Variants in KATNA1 observed in about 807,000 individuals in gnomAD.
KATNA1 encodes the protein katanin catalytic subunit A1.
Under a neutral mutation model 62.6 loss-of-function variants are expected in KATNA1, and 42 were observed. The ratio of observed to expected loss-of-function variants is 0.67; its 90% CI spans 0.52 to 0.87. KATNA1 has a LOEUF of 0.87. Ranked by LOEUF, KATNA1 falls within the 40% of genes least tolerant of loss-of-function variation. The pLI is 0.00. For synonymous variants in KATNA1, 186 were observed against 201.9 expected (o/e 0.92, Z 0.67); for missense variants, 498 against 612.5 (o/e 0.81, Z 1.97).
chr6:149,620,385 A>G (rs575767419), intron 4 of KATNA1, among the ~76,000 whole-genome samples: 1 of 152,204 alleles, frequency 6.6e-6, no homozygotes, highest in South Asian at 2.1e-4. Context: ...TCCGCCTCCC[A>G]GGCTCAAGCA....
At chr6:149,604,630 C>G (rs999233100) in intron 5 of KATNA1, 31 bp downstream of exon 5, 6 of 1,611,312 alleles carry the variant, frequency 3.7e-6, no homozygotes, top group Admixed American at 1.7e-5. Context: ...GCATCACCAG[C>G]ACCCAATTAT....
chr6:149,632,863 T>C lies in KATNA1; in HGVS notation c.216A>G (p.Thr72=). The change falls in exon 3 of 11, where the codon ACA becomes ACG. Residue 72 remains threonine (T), a synonymous_variant. Coordinates refer to ENST00000367411, the MANE Select transcript of KATNA1 (RefSeq NM_007044.4). ...EAKHVKDIMK[T]LESFKLDSTP... is the part of the protein sequence containing the mutation. Reference sequence around the variant, plus strand: ...TGCTGTCCAGTTTAAAGCTCTCTAGTGTTTTCATGATATCTTTAACATGTT... The same window carrying C: ...TGCTGTCCAGTTTAAAGCTCTCTAGCGTTTTCATGATATCTTTAACATGTT... The C allele has an allele frequency of 1.2e-6, 2 of 1,612,814 alleles. No homozygotes were observed. The highest frequency in any genetic ancestry group is 1.7e-6 in the Non-Finnish European group (2 of 1,179,574).
rs751127064 is a variant in KATNA1, at chr6:149,598,290, G to A, written c.949C>T (p.Arg317Ter). Reference protein sequence around the residue: ...IDEIDSICSRRGTSEEHEASR... With the variant: ...IDEIDSICSR Reference sequence around the variant, plus strand: ...GCTTCATGTTCTTCAGAAGTCCCTCGGCGACTACAGATGGAGTCTATCTCA... The same window carrying A: ...GCTTCATGTTCTTCAGAAGTCCCTCAGCGACTACAGATGGAGTCTATCTCA... The change falls in exon 8 of 11, where the codon CGA becomes TGA. Residue 317 changes from arginine to a stop codon, truncating the protein, a stop_gained. Coordinates refer to ENST00000367411, the MANE Select transcript of KATNA1 (RefSeq NM_007044.4). LOFTEE classifies it high-confidence loss of function. 9.9e-6 allele frequency: 16 copies of A among 1,613,594 alleles called. No individual in the cohort carries two copies. Among genetic ancestry groups the A allele is most frequent in the Admixed American group, 1.7e-5 (1 of 59,950 alleles).
intron 4 of KATNA1, among the ~76,000 whole-genome samples, chr6:149,615,502 C>T (rs1012218437): frequency 2.0e-5 from 3 of 151,774 alleles, no homozygotes; most frequent in East Asian, 1.9e-4. Flanking sequence ...CCATCCCCGG[C>T]GAGTAATGTA....
At chr6:149,633,936 A>G (rs1779956325) in intron 2 of KATNA1, among the ~76,000 whole-genome samples, 1 of 152,016 alleles carries the variant, frequency 6.6e-6, no homozygotes, top group South Asian at 2.1e-4. Flanking sequence ...CAGCCTGGGC[A>G]ACAAGAGTGA....
chr6:149,639,267 C>T (rs1257854921), intron 1 of KATNA1, among the ~76,000 whole-genome samples: 1 of 151,998 alleles, frequency 6.6e-6, no homozygotes, highest in Non-Finnish European at 1.5e-5. Flanking sequence ...CCACTGTACT[C>T]CAGCCTGGGA....
chr6:149,597,093 T>A lies in KATNA1; in HGVS notation c.1247A>T (p.Tyr416Phe), dbSNP rs759837333. The A allele has an allele frequency of 6.2e-7, 1 of 1,614,202 alleles. No homozygotes were observed. Residue 416 changes from tyrosine to phenylalanine, a missense_variant, in exon 10 of 11, where the codon TAT (tyrosine) becomes TTT (phenylalanine). Tyr to Phe is a conservative substitution (Grantham distance 22). Around this residue, in one of 3 missense-constraint regions of KATNA1, gnomAD observed 267 missense variants for 372.6 expected, o/e 0.72. Coordinates refer to ENST00000367411, the MANE Select transcript of KATNA1 (RefSeq NM_007044.4). ...LASIAENMEGYSGADITNVCR... is the reference protein window; with the variant it reads ...LASIAENMEGFSGADITNVCR... ...CACGTTGGTAATGTCCGCACCTGAA[T>A]AACCTTCCATGTTTTCTGCTATACT... is the stretch of plus-strand genomic sequence containing the variant.
chr6:149,609,828 C>T (rs1180482029), intron 4 of KATNA1, among the ~76,000 whole-genome samples: 9 of 91,786 alleles, frequency 9.8e-5, no homozygotes, highest in Non-Finnish European at 1.7e-4. Context: ...AGGCCAGGTG[C>T]GGTGGCTCAT....
rs779628169 is a variant in KATNA1, at chr6:149,603,274, T to C, written c.723A>G (p.Pro241=). The C allele has an allele frequency of 2.2e-5, 32 of 1,478,390 alleles. No individual in the cohort carries two copies. Among genetic ancestry groups the C allele is most frequent in the Non-Finnish European group, 3.0e-5 (32 of 1,072,048 alleles). The allele number at this position is 1,478,390 out of a possible 1,614,324, so 91.6% of individuals were successfully genotyped here. The change falls in exon 6 of 11, where the codon CCA becomes CCG. Residue 241 remains proline, a synonymous_variant. Transcript: ENST00000367411. Reference sequence around the variant, plus strand: ...ATCACAGTAATAAACTTACTTTCCATGGTCTCCTAATGCCCTTAAAGAATT... The same window carrying C: ...ATCACAGTAATAAACTTACTTTCCACGGTCTCCTAATGCCCTTAAAGAATT... ...MPEFFKGIRR[P]WKGVLMVGPP...
chr6:149,625,994 A>G (rs962299473), intron 3 of KATNA1, among the ~76,000 whole-genome samples: 1 of 151,922 alleles, frequency 6.6e-6, no homozygotes, highest in Non-Finnish European at 1.5e-5. Context: ...TGGGAGGATG[A>G]TAACACCAAA....
chr6:149,616,265 A>G (rs942813369), intron 4 of KATNA1, among the ~76,000 whole-genome samples: 3 of 152,196 alleles, frequency 2.0e-5, no homozygotes, highest in African/African-American at 7.2e-5. Context: ...CAACTATATT[A>G]TTGGGAAAAA....
At chr6:149,599,937 G>A (rs1383011975) in intron 7 of KATNA1, among the ~76,000 whole-genome samples, 1 of 152,056 alleles carries the variant, frequency 6.6e-6, no homozygotes, top group Non-Finnish European at 1.5e-5. Flanking sequence ...AGGAGTTTCG[G>A]CATAGGTATG....
chr6:149,597,194 T>C lies in KATNA1; in HGVS notation c.1151-5A>G, dbSNP rs1778357260. ...ATAGCTCCTCCCTGCCTTTTGCTAA[T>C]GGTAGAAACAAATTTTAAAATGTAA... is the stretch of plus-strand genomic sequence containing the variant. On this transcript the variant is annotated splice_region_variant and splice_polypyrimidine_tract_variant and intron_variant, in intron 9 of 10. Coordinates refer to ENST00000367411, the MANE Select transcript of KATNA1 (RefSeq NM_007044.4). 1.2e-6 allele frequency: 2 copies of C among 1,612,304 alleles called. No individual in the cohort carries two copies. Among genetic ancestry groups the C allele is most frequent in the Non-Finnish European group, 1.7e-6 (2 of 1,179,486 alleles).
At chr6:149,634,601 G>A (rs899056058) in intron 2 of KATNA1, among the ~76,000 whole-genome samples, 1 of 152,098 alleles carries the variant, frequency 6.6e-6, no homozygotes, top group Non-Finnish European at 1.5e-5. Flanking sequence ...AAACTCCTGG[G>A]TTCAAGCCAT....
intron 4 of KATNA1, among the ~76,000 whole-genome samples, chr6:149,615,902 G>A (rs1779151038): frequency 1.3e-5 from 2 of 152,130 alleles, no homozygotes; most frequent in Admixed American, 6.6e-5. Flanking sequence ...GGTTAAAAGT[G>A]CAAGAATGAA....
In KATNA1 at chr6:149,638,189, G is replaced by A. The variant is rs12198855; in HGVS notation, c.162+197C>T. On this transcript the variant is annotated intron_variant, in intron 2 of 10. Transcript: ENST00000367411. The stretch of plus-strand genomic sequence containing the variant: ...AAGTCTTGCTATGTTGTCTAGGCTG[G>A]ACTTGAACTCCTGGCCTCAAGTGAT... 3.4e-3 allele frequency among the ~76,000 whole-genome samples: 512 copies of A among 152,188 alleles called. 2 individuals are homozygous for A. The highest frequency in any genetic ancestry group is 5.5e-3 in the Non-Finnish European group (376 of 68,002).
At chr6:149,619,634 C>G (rs965954306) in intron 4 of KATNA1, among the ~76,000 whole-genome samples, 3 of 150,808 alleles carry the variant, frequency 2.0e-5, no homozygotes, top group African/African-American at 7.3e-5. Context: ...AAGACAAAAA[C>G]TAACAAATGC....
At chr6:149,615,071 C>T (rs1224360101) in intron 4 of KATNA1, among the ~76,000 whole-genome samples, 13 of 132,568 alleles carry the variant, frequency 9.8e-5, no homozygotes, top group Non-Finnish European at 1.5e-4. Flanking sequence ...AGGCTGAGGT[C>T]GCAGTAAGCT....
chr6:149,606,329 T>A (rs996052996), intron 4 of KATNA1, among the ~76,000 whole-genome samples: 2 of 152,168 alleles, frequency 1.3e-5, no homozygotes, highest in Non-Finnish European at 2.9e-5. Flanking sequence ...AAGATACTTA[T>A]GAATATTATA....
Sources: gnomAD v4.1 joint callset for allele counts (sites outside exome capture counted in the v4.1 genomes callset) on GRCh38, gnomAD v4.1.1 for gene constraint, gnomAD v4.1.1 regional missense constraint, MANE v1.5 for transcripts, NCBI Gene and HGNC (gene_info 2026-07-23, HGNC 2026-07-21) for gene names.